The following STX18 variants were observed in gnomAD, a reference collection of about 807,000 sequenced individuals.
STX18 encodes the protein syntaxin 18.
A neutral mutation model predicts 50.1 loss-of-function variants in STX18; 40 were observed. The observed-to-expected ratio is 0.80, with a 90% CI of 0.62 to 1.04. The LOEUF is 1.04. Ranked by LOEUF, STX18 falls within the 50% of genes least tolerant of loss-of-function variation. The pLI, the probability that STX18 is intolerant of heterozygous loss-of-function variation, is 0.00. For missense variants in STX18, 410 were observed against 415.8 expected, an observed-to-expected ratio of 0.99 and a Z score of 0.12; for synonymous variants, 158 against 151.8, an observed-to-expected ratio of 1.04 and a Z score of -0.30.
chr4:4,487,048 TTGAGCTTCAGAGGCTTTTGGTTCA>T (rs1215903802), intron 1 of STX18, among the ~76,000 whole-genome samples: 2 of 152,166 alleles, frequency 1.3e-5, no homozygotes, highest in Non-Finnish European at 2.9e-5. Flanking sequence ...GCCTGTCATT[TTGAGCTTCAGAGGCTTTTGGTTCA>T]TGGAGCTCAG....
intron 2 of STX18, among the ~76,000 whole-genome samples, chr4:4,463,834 T>A (rs1033834116): frequency 7.9e-5 from 12 of 152,224 alleles, no homozygotes; most frequent in African/African-American, 2.7e-4. Context: ...CTTGGTACTA[T>A]GCATCGGAAT....
chr4:4,434,907 T>C (rs754627467), intron 6 of STX18, 49 bp from the exon 7 acceptor site: 1 of 1,320,318 alleles, frequency 7.6e-7, no homozygotes, highest in Non-Finnish European at 1.1e-6. Context: ...TGTTTTAGAA[T>C]AGGCTGGCTT....
At chr4:4,524,592 G>A (rs978537791) in intron 1 of STX18, among the ~76,000 whole-genome samples, 2 of 152,128 alleles carry the variant, frequency 1.3e-5, no homozygotes, top group Admixed American at 1.3e-4. Flanking sequence ...CTCAGTGGCT[G>A]CCACAAAGCA....
At chr4:4,468,779 T>TATTC (rs2108831977) in intron 2 of STX18, among the ~76,000 whole-genome samples, 1 of 152,298 alleles carries the variant, frequency 6.6e-6, no homozygotes, top group Non-Finnish European at 1.5e-5. Flanking sequence ...CCTAGGTATT[T>TATTC]ATTCAAAGGA....
chr4:4,433,505 C>A (rs1725620917), intron 7 of STX18, among the ~76,000 whole-genome samples: 1 of 139,514 alleles, frequency 7.2e-6, no homozygotes. Flanking sequence ...GCGAGAAACA[C>A]CCAAGAATGA....
intron 1 of STX18, chr4:4,507,634 A>T (rs1008961327): frequency 3.9e-6 from 3 of 771,620 alleles, no homozygotes; most frequent in Non-Finnish European, 7.2e-6. Flanking sequence ...AAGAGAATTC[A>T]CGTGAACTGG....
Position 4,459,442 on chromosome 4 carries a change from G to A in STX18, c.282C>T (p.Asp94=). The A allele has an allele frequency of 1.9e-6, 3 of 1,614,078 alleles. No homozygotes were observed. Among genetic ancestry groups the A allele is most frequent in the South Asian group, 2.2e-5 (2 of 91,076 alleles). ...ATATCTGGGCATCCTGGTCTATCTG[G>A]TCTCGTTCTGTGTCTGTCATCCTCC... ...EYGRMTDTER[D]QIDQDAQIFM... Residue 94 remains aspartate, a synonymous_variant, in exon 3 of 11, where the codon GAC becomes GAT. Coordinates refer to ENST00000306200, the MANE Select transcript of STX18 (RefSeq NM_016930.4).
intron 1 of STX18, among the ~76,000 whole-genome samples, chr4:4,509,032 A>G (rs1325381578): frequency 6.6e-6 from 1 of 152,236 alleles, no homozygotes; most frequent in African/African-American, 2.4e-5. Context: ...GTATGCATGC[A>G]TGTATCTTTA....
chr4:4,505,912 C>T (rs867636819), intron 1 of STX18, among the ~76,000 whole-genome samples: 4 of 152,226 alleles, frequency 2.6e-5, no homozygotes, highest in African/African-American at 9.6e-5. Context: ...TGTAAATGGA[C>T]TTATGCAATA....
intron 1 of STX18, among the ~76,000 whole-genome samples, chr4:4,478,369 A>T (rs1157504168): frequency 6.6e-6 from 1 of 152,226 alleles, no homozygotes; most frequent in Non-Finnish European, 1.5e-5. Flanking sequence ...CAAATACAGC[A>T]AGGAAAAAGA....
intron 2 of STX18, among the ~76,000 whole-genome samples, chr4:4,463,388 ATG>A (rs1193328482): frequency 6.6e-6 from 1 of 152,238 alleles, no homozygotes; most frequent in Non-Finnish European, 1.5e-5. Context: ...ACATTAAAAT[ATG>A]TAACTACATT....
chr4:4,456,212 C>T (rs1018681864), intron 5 of STX18, among the ~76,000 whole-genome samples: 6 of 151,696 alleles, frequency 4.0e-5, no homozygotes, highest in Admixed American at 2.6e-4. Flanking sequence ...CCCAGGAGGT[C>T]GTGCCACTGC....
At chr4:4,512,240 G>T (rs1440082847) in intron 1 of STX18, among the ~76,000 whole-genome samples, 1 of 151,996 alleles carries the variant, frequency 6.6e-6, no homozygotes, top group Non-Finnish European at 1.5e-5. Context: ...TCTCATTGCA[G>T]CTCAGCAATG....
intron 1 of STX18, among the ~76,000 whole-genome samples, chr4:4,539,773 C>T (rs1330493171): frequency 6.6e-6 from 1 of 151,768 alleles, no homozygotes; most frequent in African/African-American, 2.4e-5. Context: ...GGGACTGTTA[C>T]TGTCCCTGAG....
intron 2 of STX18, among the ~76,000 whole-genome samples, chr4:4,463,063 T>C (rs566087817): frequency 1.3e-5 from 2 of 152,356 alleles, no homozygotes; most frequent in South Asian, 4.1e-4. Flanking sequence ...TGCCACTGTG[T>C]TGTTCTTTTC....
chr4:4,505,233 T>C (rs112664613), intron 1 of STX18, among the ~76,000 whole-genome samples: 2 of 152,304 alleles, frequency 1.3e-5, no homozygotes, highest in African/African-American at 4.8e-5. Context: ...AAGTCAAAAA[T>C]GCATTTAATA....
At chr4:4,438,131 C>A (rs1480522756) in intron 6 of STX18, among the ~76,000 whole-genome samples, 1 of 152,198 alleles carries the variant, frequency 6.6e-6, no homozygotes. Flanking sequence ...GCAGACAGCT[C>A]CCGGCCTCAC....
At chr4:4,448,686 GA>G (rs577572543) in intron 5 of STX18, among the ~76,000 whole-genome samples, 2 of 152,184 alleles carry the variant, frequency 1.3e-5, no homozygotes, top group Non-Finnish European at 2.9e-5. Flanking sequence ...GCAACATGGA[GA>G]AAATACTATC....
intron 1 of STX18, among the ~76,000 whole-genome samples, chr4:4,534,197 A>G (rs998882113): frequency 2.0e-5 from 3 of 152,194 alleles, no homozygotes; most frequent in African/African-American, 4.8e-5. Flanking sequence ...GAGTTCCTCA[A>G]TCCAGGTTTA....
Sources: allele counts gnomAD v4.1 joint callset (sites outside exome capture counted in the v4.1 genomes callset), GRCh38; gene constraint gnomAD v4.1.1; transcripts MANE v1.5; gene names NCBI Gene and HGNC (gene_info 2026-07-23, HGNC 2026-07-21).